Variants in GRK3 observed in about 807,000 individuals in gnomAD.
GRK3 encodes the protein G protein-coupled receptor kinase 3.
GRK3 carries 54 observed loss-of-function variants against 95.7 expected under a neutral mutation model. The observed-to-expected ratio is 0.56, with a 90% CI of 0.45 to 0.71. The LOEUF is 0.71. Among genes scored for constraint, GRK3 ranks in the 30% least tolerant of loss-of-function variants. GRK3 has a pLI of 0.00. For synonymous variants in GRK3, 281 were observed against 290.8 expected (o/e 0.97, Z 0.34); for missense variants, 649 against 851.2 (o/e 0.76, Z 2.96).
chr22:25,711,640 A>C (rs114548537), intron 17 of GRK3, among the ~76,000 whole-genome samples: 2 of 152,068 alleles, frequency 1.3e-5, no homozygotes, highest in African/African-American at 4.8e-5. Context: ...ACTTTTGTTC[A>C]TATCGTTATT....
chr22:25,647,020 C>CA (rs1025786169), intron 3 of GRK3, among the ~76,000 whole-genome samples: 9,862 of 52,732 alleles, frequency 0.19, 1,691 homozygotes, highest in African/African-American at 0.45. Flanking sequence ...GACTTTGTCT[C>CA]AAAAAAAAAA....
In GRK3 at chr22:25,661,756, A is replaced by G. The variant is rs186617071; in HGVS notation, c.366+79A>G. 25 of 922,214 alleles carry G rather than the reference A, an allele frequency of 2.7e-5. No individual in the cohort carries two copies. The African/African-American group carries it at 2.8e-4, about 10-fold the overall frequency. The allele number at this position is 922,214 out of a possible 1,614,324, so 57.1% of individuals were successfully genotyped here. A position where few individuals can be genotyped will look rare whatever the true frequency, so the allele number is the denominator to read the frequency against. ...TTCAGCGTTTCCAGAATGAAAGTTA[A>G]ACAGTAGAAAGGTGTTTAAAATTGA... is the stretch of plus-strand genomic sequence containing the variant. On this transcript the variant is annotated intron_variant, in intron 4 of 20. Transcript: ENST00000324198.
intron 2 of GRK3, among the ~76,000 whole-genome samples, chr22:25,605,647 A>G (rs1320735674): frequency 6.6e-6 from 1 of 152,260 alleles, no homozygotes; most frequent in Non-Finnish European, 1.5e-5. Context: ...TTGTGTATTC[A>G]CCGTCATACA....
intron 3 of GRK3, among the ~76,000 whole-genome samples, chr22:25,655,648 T>C (rs1382668430): frequency 1.3e-5 from 2 of 152,078 alleles, no homozygotes; most frequent in African/African-American, 4.8e-5. Flanking sequence ...CTAGCTAGGA[T>C]CTAGGTGCAA....
intron 3 of GRK3, chr22:25,648,190 T>G: frequency 4.1e-6 from 3 of 732,432 alleles, no homozygotes. Flanking sequence ...GCTTATTCCC[T>G]CTCTATTCGT....
intron 2 of GRK3, among the ~76,000 whole-genome samples, chr22:25,632,103 G>GACAAATGT (rs574723697): frequency 7.6e-4 from 116 of 152,252 alleles, no homozygotes; most frequent in African/African-American, 2.7e-3. Flanking sequence ...TGGGTCAAAT[G>GACAAATGT]ACAAATGTTT....
intron 3 of GRK3, among the ~76,000 whole-genome samples, chr22:25,655,303 A>G (rs1161078041): frequency 2.0e-5 from 3 of 152,132 alleles, no homozygotes; most frequent in Non-Finnish European, 4.4e-5. Context: ...CTTACATAGA[A>G]TGTCTACGTT....
rs1601555757 is a variant in GRK3, at chr22:25,727,104, C to G, written c.*4654C>G. The G allele has an allele frequency of 1.3e-5, 2 of 152,214 alleles. No homozygotes were observed. The highest frequency in any genetic ancestry group is 4.1e-4 in the South Asian group (2 of 4,820). The allele number at this position is 152,214 out of a possible 1,614,324, so 9.4% of individuals were successfully genotyped here. A position where few individuals can be genotyped will look rare whatever the true frequency, so the allele number is the denominator to read the frequency against. On this transcript the variant is annotated 3_prime_UTR_variant, in exon 21 of 21. Coordinates refer to ENST00000324198, the MANE Select transcript of GRK3 (RefSeq NM_005160.4). ...CAGGCCTCTTCTGTTCTACCCTGCT[C>G]ACTTCCACGGTGAGTTACCAGCCTG...
At chr22:25,680,202 A>G (rs2085063922) in intron 9 of GRK3, among the ~76,000 whole-genome samples, 1 of 152,238 alleles carries the variant, frequency 6.6e-6, no homozygotes, top group South Asian at 2.1e-4. Context: ...AGCCATAAAT[A>G]ATTTCTAATT....
At chr22:25,645,613 G>A (rs558481237) in intron 3 of GRK3, among the ~76,000 whole-genome samples, 7 of 152,122 alleles carry the variant, frequency 4.6e-5, no homozygotes, top group Non-Finnish European at 5.9e-5. Context: ...CTCCATAGAC[G>A]GCGTGCCTTA....
At chr22:25,687,413 G>GTA (rs767903731) in intron 10 of GRK3, 124 bp from the exon 11 acceptor site, 16 of 922,620 alleles carry the variant, frequency 1.7e-5, no homozygotes, top group Non-Finnish European at 2.6e-5. Context: ...TGAAACATAG[G>GTA]TATATAGACC....
At chr22:25,640,184 A>G (rs887170355) in intron 2 of GRK3, among the ~76,000 whole-genome samples, 3 of 152,186 alleles carry the variant, frequency 2.0e-5, no homozygotes, top group African/African-American at 7.2e-5. Context: ...CTCCAATACA[A>G]TGTTGAAGAG....
intron 5 of GRK3, among the ~76,000 whole-genome samples, chr22:25,666,644 C>T (rs972766957): frequency 6.6e-6 from 1 of 152,178 alleles, no homozygotes; most frequent in Non-Finnish European, 1.5e-5. Flanking sequence ...AAGCAAGGCT[C>T]CCAGAAGGAC....
At position 25,564,994 on chromosome 22, in the gene GRK3, G is replaced by C; in HGVS notation, c.-47G>C. The stretch of plus-strand genomic sequence containing the variant: ...GGCGGCGGCGGCGGGCGCGCGTCCC[G>C]TCCAGGTCCGGAGTAACCGCCGCCG... On this transcript the variant is annotated 5_prime_UTR_variant, in exon 1 of 21. Transcript: ENST00000324198. The C allele has an allele frequency of 7.4e-6, 5 of 678,730 alleles. No individual in the cohort carries two copies. Among genetic ancestry groups the C allele is most frequent in the Non-Finnish European group, 8.6e-6 (4 of 464,988 alleles). 42.0% of individuals were successfully genotyped at this position (678,730 alleles called of 1,614,324 possible).
chr22:25,637,801 C>T lies in GRK3; in HGVS notation c.191-6791C>T, dbSNP rs970299401. ...GAACTGGCTTATGTGATTATGGAGA[C>T]GGGCAAGTCCAAATCTGCAGTGTGA... On this transcript the variant is annotated intron_variant, in intron 2 of 20. Transcript: ENST00000324198. 4.6e-5 allele frequency among the ~76,000 whole-genome samples: 7 copies of T among 152,272 alleles called. No individual in the cohort carries two copies. The South Asian group carries it at 6.2e-4, about 14-fold the overall frequency.
intron 1 of GRK3, among the ~76,000 whole-genome samples, chr22:25,596,618 C>T (rs749668361): frequency 5.9e-5 from 9 of 152,206 alleles, no homozygotes; most frequent in African/African-American, 2.2e-4. Flanking sequence ...AAGCAACTGG[C>T]TATTCTATGC....
chr22:25,568,121 C>G (rs528694672), intron 1 of GRK3, among the ~76,000 whole-genome samples: 1 of 152,216 alleles, frequency 6.6e-6, no homozygotes, highest in East Asian at 1.9e-4. Context: ...GACCCACAGC[C>G]TCCCTTGCAG....
At chr22:25,592,033 G>A (rs1040757382) in intron 1 of GRK3, among the ~76,000 whole-genome samples, 3 of 152,192 alleles carry the variant, frequency 2.0e-5, no homozygotes, top group Non-Finnish European at 2.9e-5. Context: ...GGTAGGTGTA[G>A]TTTAACTTTA....
chr22:25,607,658 C>T (rs1312854715), intron 2 of GRK3, among the ~76,000 whole-genome samples: 4 of 152,102 alleles, frequency 2.6e-5, no homozygotes, highest in Non-Finnish European at 4.4e-5. Context: ...CTCACTGCAA[C>T]TTCTGCCTCC....
Sources: allele counts gnomAD v4.1 joint callset (sites outside exome capture counted in the v4.1 genomes callset), GRCh38; gene constraint gnomAD v4.1.1; transcripts MANE v1.5; gene names NCBI Gene and HGNC (gene_info 2026-07-23, HGNC 2026-07-21).